The following EDIL3 variants were observed in gnomAD, a reference collection of about 807,000 sequenced individuals.
EDIL3 encodes the protein EGF-like repeat and discoidin I-like domain-containing protein 3.
A neutral mutation model predicts 67.4 loss-of-function variants in EDIL3; 37 were observed. That is an observed-to-expected ratio of 0.55 (90% CI 0.42 to 0.72). EDIL3 has a LOEUF of 0.72. Ranked by LOEUF, EDIL3 falls within the 30% of genes least tolerant of loss-of-function variation. The pLI is 0.00. For missense variants in EDIL3, 527 were observed against 586.3 expected, an observed-to-expected ratio of 0.90 and a Z score of 1.04; for synonymous variants, 195 against 196.3, an observed-to-expected ratio of 0.99 and a Z score of 0.05.
chr5:84,328,256 A>G (rs963497535), intron 1 of EDIL3, among the ~76,000 whole-genome samples: 6 of 152,032 alleles, frequency 3.9e-5, no homozygotes, highest in Non-Finnish European at 8.8e-5. Context: ...CTGTTTCTTA[A>G]AGTTGTGCCT....
chr5:84,195,915 C>T (rs1743694356), intron 3 of EDIL3, among the ~76,000 whole-genome samples: 1 of 151,862 alleles, frequency 6.6e-6, no homozygotes, highest in African/African-American at 2.4e-5. Context: ...AGAAACTTAC[C>T]TCTTTTCACA....
At chr5:83,962,665 G>C (rs957864578) in intron 10 of EDIL3, among the ~76,000 whole-genome samples, 2 of 151,140 alleles carry the variant, frequency 1.3e-5, no homozygotes, top group African/African-American at 2.4e-5. Context: ...GAAGGAAACG[G>C]AGCAGAAAAA....
chr5:84,232,897 A>G (rs1744610929), intron 2 of EDIL3, among the ~76,000 whole-genome samples: 1 of 152,206 alleles, frequency 6.6e-6, no homozygotes, highest in Non-Finnish European at 1.5e-5. Flanking sequence ...TAAACCTCAA[A>G]GTGGGCATTA....
chr5:84,346,668 T>C (rs1483303539), intron 1 of EDIL3, among the ~76,000 whole-genome samples: 1 of 152,204 alleles, frequency 6.6e-6, no homozygotes, highest in Non-Finnish European at 1.5e-5. Context: ...CTATTGGAGT[T>C]AACTCAGGGA....
chr5:84,373,181 T>A (rs1183151020), intron 1 of EDIL3, among the ~76,000 whole-genome samples: 7 of 152,072 alleles, frequency 4.6e-5, no homozygotes, highest in African/African-American at 1.7e-4. Context: ...CTACACCCCG[T>A]CATTCCTTAA....
intron 4 of EDIL3, among the ~76,000 whole-genome samples, chr5:84,165,664 A>G (rs1270506193): frequency 6.6e-6 from 1 of 152,170 alleles, no homozygotes; most frequent in Non-Finnish European, 1.5e-5. Context: ...CAAAACCTCC[A>G]GCAGCAAGAG....
At chr5:83,992,116 T>G (rs1461752101) in intron 9 of EDIL3, among the ~76,000 whole-genome samples, 10 of 152,182 alleles carry the variant, frequency 6.6e-5, no homozygotes, top group Admixed American at 6.5e-4. Context: ...GATTCAATCA[T>G]GCAAGAACAA....
chr5:84,211,217 A>G (rs140329024), intron 3 of EDIL3, among the ~76,000 whole-genome samples: 405 of 152,268 alleles, frequency 2.7e-3, no homozygotes, highest in African/African-American at 9.6e-3. Context: ...TCCCTCATGA[A>G]CAGCTTGGTG....
chr5:84,011,436 T>C (rs1300794590), intron 9 of EDIL3, among the ~76,000 whole-genome samples: 3 of 152,192 alleles, frequency 2.0e-5, no homozygotes, highest in African/African-American at 4.8e-5. Context: ...ACCTGAGTAT[T>C]GCAATATTTT....
At chr5:84,096,282 A>G (rs542479554) in intron 6 of EDIL3, among the ~76,000 whole-genome samples, 13 of 152,210 alleles carry the variant, frequency 8.5e-5, no homozygotes, top group Non-Finnish European at 1.8e-4. Flanking sequence ...GAAAAGCCAC[A>G]GATGCTCAAA....
At chr5:84,304,280 T>C (rs547701278) in intron 1 of EDIL3, among the ~76,000 whole-genome samples, 3 of 152,302 alleles carry the variant, frequency 2.0e-5, no homozygotes, top group Admixed American at 2.0e-4. Context: ...ATTAAATTTT[T>C]TGGTATATGT....
At chr5:84,311,596 G>T (rs1290913492) in intron 1 of EDIL3, among the ~76,000 whole-genome samples, 1 of 151,352 alleles carries the variant, frequency 6.6e-6, no homozygotes, top group Non-Finnish European at 1.5e-5. Flanking sequence ...ATTCTTGGGT[G>T]TTTCTCACAG....
chr5:84,234,688 C>A lies in EDIL3; in HGVS notation c.197-4804G>T, dbSNP rs1255590681. Among the ~76,000 whole-genome samples the A allele has an allele frequency of 2.0e-5, 3 of 152,072 alleles. No individual in the cohort carries two copies. The East Asian group carries it at 5.8e-4, about 29-fold the overall frequency. ...ATCTCATTATGAAATATAAAAACTA[C>A]ATTTCTTAGTATATTATAACATATT... On this transcript the variant is annotated intron_variant, in intron 2 of 10. Coordinates refer to ENST00000296591, the MANE Select transcript of EDIL3 (RefSeq NM_005711.5).
rs1256886730 is a variant in EDIL3, at chr5:84,207,902, T to C, written c.226+21953A>G. Among the ~76,000 whole-genome samples, 18 of 152,234 alleles carry C rather than the reference T, an allele frequency of 1.2e-4. No individual in the cohort carries two copies. In the South Asian group the frequency reaches 3.7e-3, roughly 32 times the overall value. On this transcript the variant is annotated intron_variant, in intron 3 of 10. Coordinates refer to ENST00000296591, the MANE Select transcript of EDIL3 (RefSeq NM_005711.5). ...ACCTTATACAAAAATTAATTCAAGA[T>C]GGATTAAACACTTAAACGTTAGACC...
intron 9 of EDIL3, among the ~76,000 whole-genome samples, chr5:84,059,507 T>C (rs900461875): frequency 5.9e-5 from 9 of 152,202 alleles, no homozygotes; most frequent in Admixed American, 1.3e-4. Context: ...TCTTGTTTGA[T>C]AGGGGTGGAA....
chr5:84,002,011 GT>G (rs1745339891), intron 9 of EDIL3, among the ~76,000 whole-genome samples: 1 of 151,850 alleles, frequency 6.6e-6, no homozygotes, highest in East Asian at 1.9e-4. Context: ...AATATCTCTG[GT>G]GAACTGATAC....
At chr5:83,974,185 C>CA (rs1156286142) in intron 9 of EDIL3, among the ~76,000 whole-genome samples, 1 of 151,616 alleles carries the variant, frequency 6.6e-6, no homozygotes, top group Non-Finnish European at 1.5e-5. Context: ...TAGGCTAAAA[C>CA]AAAAACAACA....
At chr5:84,012,076 G>A (rs959506179) in intron 9 of EDIL3, among the ~76,000 whole-genome samples, 1 of 152,112 alleles carries the variant, frequency 6.6e-6, no homozygotes, top group Non-Finnish European at 1.5e-5. Context: ...CTCAATAAAT[G>A]TTTGTTGAAT....
intron 9 of EDIL3, among the ~76,000 whole-genome samples, chr5:84,024,047 G>T (rs1449538170): frequency 6.6e-6 from 1 of 152,016 alleles, no homozygotes; most frequent in Non-Finnish European, 1.5e-5. Flanking sequence ...CAATTTCTAG[G>T]ATTTAGAGAT....
Sources: allele counts gnomAD v4.1 joint callset (sites outside exome capture counted in the v4.1 genomes callset), GRCh38; gene constraint gnomAD v4.1.1; transcripts MANE v1.5; gene names NCBI Gene and HGNC (gene_info 2026-07-23, HGNC 2026-07-21).